RBFOX1: variants seen among roughly 807,000 people sequenced by gnomAD.
The protein encoded by RBFOX1 is RNA binding fox-1 homolog 1.
In RBFOX1, 8 loss-of-function variants were observed where a neutral mutation model predicts 57.7. That is an observed-to-expected ratio of 0.14 (90% confidence interval 0.08 to 0.25). The LOEUF (loss-of-function observed/expected upper bound fraction) is 0.25, where lower values mean the gene tolerates loss of function less well. Among genes scored for constraint, RBFOX1 ranks in the 10% least tolerant of loss-of-function variants. RBFOX1 has a pLI of 1.00. For missense variants in RBFOX1, 611 were observed against 548.5 expected (o/e 1.11, Z -1.14); for synonymous variants, 326 against 222.4 (o/e 1.47, Z -4.15).
At chr16:7,293,572 T>A (rs2095835717) in intron 4 of RBFOX1, among the ~76,000 whole-genome samples, 1 of 152,114 alleles carries the variant, frequency 6.6e-6, no homozygotes, top group Non-Finnish European at 1.5e-5. Flanking sequence ...ACAGGGAATA[T>A]AAGAACCTGG....
chr16:7,158,140 A>T (rs1204831383), intron 4 of RBFOX1, among the ~76,000 whole-genome samples: 1 of 152,126 alleles, frequency 6.6e-6, no homozygotes, highest in Non-Finnish European at 1.5e-5. Flanking sequence ...CAAGGTCAGG[A>T]GTTCGAGAAC....
At chr16:5,807,726 C>T (rs1464513791) in intron 3 of RBFOX1, among the ~76,000 whole-genome samples, 2 of 152,148 alleles carry the variant, frequency 1.3e-5, no homozygotes, top group Non-Finnish European at 2.9e-5. Context: ...GCATCACAAA[C>T]TTTAACAGAC....
intron 3 of RBFOX1, among the ~76,000 whole-genome samples, chr16:5,788,012 G>A (rs905509748): frequency 4.6e-5 from 7 of 152,196 alleles, no homozygotes; most frequent in Non-Finnish European, 1.0e-4. Flanking sequence ...AGGAAATGAA[G>A]CGACCTTGTT....
At chr16:5,938,241 C>G (rs748721035) in intron 4 of RBFOX1, among the ~76,000 whole-genome samples, 1 of 152,130 alleles carries the variant, frequency 6.6e-6, no homozygotes, top group African/African-American at 2.4e-5. Context: ...AGGTTTGTAG[C>G]CAGCTTTCTG....
intron 1 of RBFOX1, among the ~76,000 whole-genome samples, chr16:6,044,315 G>A (rs759737894): frequency 5.3e-5 from 8 of 152,100 alleles, no homozygotes; most frequent in African/African-American, 9.7e-5. Flanking sequence ...CCACATGAAA[G>A]CAAAGCTTTG....
chr16:6,141,190 G>A (rs547107615), intron 1 of RBFOX1, among the ~76,000 whole-genome samples: 35 of 152,268 alleles, frequency 2.3e-4, no homozygotes, highest in Non-Finnish European at 4.7e-4. Context: ...CCATCACCAT[G>A]GCCGCTGCTT....
chr16:5,687,214 G>A (rs543724621), intron 3 of RBFOX1, among the ~76,000 whole-genome samples: 12 of 152,300 alleles, frequency 7.9e-5, no homozygotes, highest in Non-Finnish European at 1.5e-5. Flanking sequence ...GGTTGAATGT[G>A]ATGTGTGCTT....
rs76147111 is a variant in RBFOX1 at position 7,645,492 on chromosome 16, T to G, written c.758-8323T>G. 4.9e-3 allele frequency among the ~76,000 whole-genome samples: 752 copies of G among 152,278 alleles called. 5 individuals carry two copies. The highest frequency in any genetic ancestry group is 8.0e-3 in the Non-Finnish European group (545 of 68,030). ...TAATATTTTTATCGACACTTTTGCA[T>G]GTTGTAATAGACTGCAGCAACAAGC... On this transcript the variant is annotated intron_variant, in intron 11 of 15. Coordinates refer to ENST00000550418, the MANE Select transcript of RBFOX1 (RefSeq NM_018723.4).
chr16:6,095,144 T>C (rs2096229056), intron 1 of RBFOX1, among the ~76,000 whole-genome samples: 1 of 152,322 alleles, frequency 6.6e-6, no homozygotes, highest in Non-Finnish European at 1.5e-5. Context: ...CATACATATA[T>C]CATCATCCTC....
intron 2 of RBFOX1, among the ~76,000 whole-genome samples, chr16:5,525,582 C>G (rs144492459): frequency 0.013 from 1,972 of 148,864 alleles, 25 homozygotes; most frequent in Middle Eastern, 0.043. Context: ...ACTGCATTCT[C>G]CACCTCTCAG....
At chr16:7,228,237 G>A (rs142293444) in intron 4 of RBFOX1, among the ~76,000 whole-genome samples, 3 of 152,144 alleles carry the variant, frequency 2.0e-5, no homozygotes, top group African/African-American at 7.2e-5. Flanking sequence ...TTGAATGAAT[G>A]AATGAATGAA....
intron 3 of RBFOX1, among the ~76,000 whole-genome samples, chr16:5,712,512 T>C (rs895126815): frequency 6.6e-6 from 1 of 152,194 alleles, no homozygotes; most frequent in Non-Finnish European, 1.5e-5. Flanking sequence ...GGGAAGAGTA[T>C]GTGAGGCCTC....
intron 4 of RBFOX1, among the ~76,000 whole-genome samples, chr16:7,202,670 G>A (rs2088884807): frequency 6.6e-6 from 1 of 152,168 alleles, no homozygotes; most frequent in Non-Finnish European, 1.5e-5. Flanking sequence ...CACGGCATTA[G>A]GTTCTCACAG....
intron 1 of RBFOX1, among the ~76,000 whole-genome samples, chr16:5,286,551 A>G (rs2063399903): frequency 6.6e-6 from 1 of 152,190 alleles, no homozygotes; most frequent in Non-Finnish European, 1.5e-5. Flanking sequence ...TCCTATTAAT[A>G]CAACTTACCC....
intron 4 of RBFOX1, among the ~76,000 whole-genome samples, chr16:7,475,953 C>T (rs1223845521): frequency 3.3e-5 from 5 of 151,986 alleles, no homozygotes; most frequent in African/African-American, 4.8e-5. Flanking sequence ...TAGAGTAAGA[C>T]ATTATTTTAT....
chr16:7,704,885 C>T (rs1042154955), intron 14 of RBFOX1, among the ~76,000 whole-genome samples: 3 of 151,744 alleles, frequency 2.0e-5, no homozygotes, highest in South Asian at 2.1e-4. Context: ...ATGTTGTCTA[C>T]AAAATGCAAA....
At chr16:6,575,581 G>T (rs1244748544) in intron 2 of RBFOX1, among the ~76,000 whole-genome samples, 2 of 152,122 alleles carry the variant, frequency 1.3e-5, no homozygotes, top group East Asian at 3.9e-4. Flanking sequence ...TAAAGGGCTA[G>T]GCACGGTGGC....
intron 3 of RBFOX1, among the ~76,000 whole-genome samples, chr16:7,038,670 G>C (rs1195706806): frequency 1.3e-5 from 2 of 152,126 alleles, no homozygotes; most frequent in African/African-American, 4.8e-5. Flanking sequence ...ACAACTCCAC[G>C]AGACTGCATT....
intron 4 of RBFOX1, among the ~76,000 whole-genome samples, chr16:5,984,977 T>TATATA (rs1555462740): frequency 2.7e-3 from 111 of 40,510 alleles, no homozygotes; most frequent in African/African-American, 0.011. Flanking sequence ...TATATATATA[T>TATATA]TTTTTTTTTT....
Sources: allele counts gnomAD v4.1 joint callset (sites outside exome capture counted in the v4.1 genomes callset), GRCh38; gene constraint gnomAD v4.1.1; transcripts MANE v1.5; gene names NCBI Gene and HGNC (gene_info 2026-07-23, HGNC 2026-07-21).